The following ZNF469 variants were observed in gnomAD, a reference collection of about 807,000 sequenced individuals.
ZNF469 encodes the protein zinc finger protein 469.
ZNF469 carries 1 observed loss-of-function variant against 1.0 expected under a neutral mutation model. That is an observed-to-expected ratio of 1.00 (90% CI 0.35 to 4.73). The LOEUF (loss-of-function observed/expected upper bound fraction) is 4.73. Among genes scored for constraint, ZNF469 ranks in the 30% most tolerant of loss-of-function variants. The pLI, the probability that ZNF469 is intolerant of heterozygous loss-of-function variation, is 0.16. For missense variants in ZNF469, 6,100 were observed against 5,356.3 expected, an observed-to-expected ratio of 1.14 and a Z score of -4.33; for synonymous variants, 2,703 against 2,363.4, an observed-to-expected ratio of 1.14 and a Z score of -4.17.
At chr16:88,352,618 C>T in the ZNF469 span, among the ~76,000 whole-genome samples, 2 of 152,234 alleles carry the variant, frequency 1.3e-5, no homozygotes, top group Non-Finnish European at 2.9e-5. Context: ...AACTGGTAGA[C>T]GGGGCCGATG....
At chr16:88,167,492 C>A in the ZNF469 span, among the ~76,000 whole-genome samples, 20 of 152,204 alleles carry the variant, frequency 1.3e-4, no homozygotes, top group African/African-American at 4.8e-4. Flanking sequence ...AGTGTCCAGG[C>A]TGCTGCTTGA....
At chr16:88,258,716 C>T in the ZNF469 span, among the ~76,000 whole-genome samples, 9 of 152,264 alleles carry the variant, frequency 5.9e-5, no homozygotes, top group African/African-American at 1.9e-4. Context: ...CTGATGAACT[C>T]GGATGACATT....
chr16:88,411,282 C>T (rs1016753752), intron 1 of ZNF469, among the ~76,000 whole-genome samples: 6 of 151,898 alleles, frequency 4.0e-5, no homozygotes, highest in African/African-American at 7.3e-5. Flanking sequence ...TGAGTGGCTC[C>T]GTGGGGGTGG....
chr16:88,308,473 A>G, the ZNF469 span, among the ~76,000 whole-genome samples: 1 of 152,138 alleles, frequency 6.6e-6, no homozygotes, highest in Non-Finnish European at 1.5e-5. Flanking sequence ...TTCACCAATA[A>G]TGAGTTAAAA....
chr16:88,283,018 T>C, the ZNF469 span, among the ~76,000 whole-genome samples: 5 of 152,140 alleles, frequency 3.3e-5, no homozygotes, highest in Admixed American at 2.0e-4. Context: ...GTTTGGCCAA[T>C]GCATTAGGTC....
the ZNF469 span, among the ~76,000 whole-genome samples, chr16:88,354,182 TC>T: frequency 6.6e-6 from 1 of 152,116 alleles, no homozygotes; most frequent in Non-Finnish European, 1.5e-5. Flanking sequence ...CCCAAGGGGT[TC>T]CCTTCTACGG....
chr16:88,144,397 G>A, the ZNF469 span, among the ~76,000 whole-genome samples: 3 of 152,216 alleles, frequency 2.0e-5, no homozygotes, highest in South Asian at 6.2e-4. Context: ...TCAGGAGGTA[G>A]GGCAGAGATA....
the ZNF469 span, among the ~76,000 whole-genome samples, chr16:88,284,727 C>T: frequency 6.6e-5 from 10 of 152,232 alleles, no homozygotes; most frequent in African/African-American, 1.9e-4. Context: ...AAGGGCCTTC[C>T]GTGGTGTGCG....
the ZNF469 span, among the ~76,000 whole-genome samples, chr16:88,326,767 C>T: frequency 2.6e-5 from 4 of 152,218 alleles, no homozygotes; most frequent in Admixed American, 2.0e-4. Flanking sequence ...CAGAGGGTGA[C>T]ACCCAGGCCT....
chr16:88,367,562 G>A, the ZNF469 span, among the ~76,000 whole-genome samples: 1 of 152,194 alleles, frequency 6.6e-6, no homozygotes, highest in Non-Finnish European at 1.5e-5. Context: ...GCACGTCCCA[G>A]CGCCTGTGAT....
the ZNF469 span, among the ~76,000 whole-genome samples, chr16:88,189,183 C>T: frequency 1.3e-5 from 2 of 152,210 alleles, no homozygotes; most frequent in African/African-American, 2.4e-5. The surrounding 1 kb of genome is among the most constrained non-coding windows in gnomAD (Gnocchi z 4.3). Flanking sequence ...GTTGGACCTT[C>T]CCAAGTGCAG....
the ZNF469 span, among the ~76,000 whole-genome samples, chr16:88,176,525 G>A: frequency 2.0e-5 from 3 of 152,206 alleles, no homozygotes; most frequent in African/African-American, 7.2e-5. Flanking sequence ...CCACTAGGGC[G>A]TTGGATAGCA....
At chr16:88,206,524 C>G in the ZNF469 span, among the ~76,000 whole-genome samples, 31 of 152,082 alleles carry the variant, frequency 2.0e-4, no homozygotes, top group African/African-American at 7.5e-4. Context: ...GGACCTTGTT[C>G]AAAGGCTGCC....
chr16:88,174,675 G>T, the ZNF469 span, among the ~76,000 whole-genome samples: 3 of 148,716 alleles, frequency 2.0e-5, no homozygotes, highest in Admixed American at 1.4e-4. Context: ...TGAGGATGAT[G>T]ACCTTTACAA....
At position 88,428,755 on chromosome 16, in the gene ZNF469, G is replaced by T; in HGVS notation, c.1285G>T (p.Ala429Ser). Residue 429 changes from alanine (A) to serine (S), a missense_variant, in exon 3 of 3, where the codon GCC becomes TCC. Ala to Ser is a moderately conservative substitution (Grantham distance 99, BLOSUM62 1). Coordinates refer to ENST00000565624, the MANE Select transcript of ZNF469 (RefSeq NM_001367624.2). Reference protein sequence around the residue: ...SPGPPDTELAAPGPPPARLPQ... With the variant: ...SPGPPDTELASPGPPPARLPQ... ...GGGGCCTCCGGACACCGAGCTGGCCGCCCCAGGGCCCCCACCCGCCAGGCT... is the reference window on the plus strand; with the variant it reads ...GGGGCCTCCGGACACCGAGCTGGCCTCCCCAGGGCCCCCACCCGCCAGGCT... 6.5e-7 allele frequency: 1 copy of T among 1,545,464 alleles called. No homozygotes were observed. Among genetic ancestry groups the T allele is most frequent in the Non-Finnish European group, 8.7e-7 (1 of 1,145,884 alleles).
Position 88,435,064 on chromosome 16 carries a change from A to G in ZNF469, c.7594A>G (p.Arg2532Gly). 1 of 1,550,390 alleles carries G rather than the reference A, an allele frequency of 6.4e-7. No individual in the cohort carries two copies. The highest frequency in any genetic ancestry group is 8.7e-7 in the Non-Finnish European group (1 of 1,146,974). ...CCAGCCGCCCAGGAAGAAAAGCCAC[A>G]GGGTGTCTGGGAAGGAGAGACCAAA... ...KCQPPRKKSH[R>G]VSGKERPNHS... The change falls in exon 3 of 3, where the codon AGG (arginine) becomes GGG (glycine). Residue 2532 changes from arginine to glycine, a missense_variant. By Grantham distance (125) the Arg-to-Gly change is moderately radical (BLOSUM62 -2). Coordinates refer to ENST00000565624, the MANE Select transcript of ZNF469 (RefSeq NM_001367624.2).
At chr16:88,106,908 G>T in the ZNF469 span, among the ~76,000 whole-genome samples, 19,808 of 152,288 alleles carry the variant, frequency 0.13, 1,530 homozygotes, top group East Asian at 0.31. Flanking sequence ...GCCTCTCCAG[G>T]GTGATTTTCG....
the ZNF469 span, among the ~76,000 whole-genome samples, chr16:88,354,176 A>G: frequency 6.6e-6 from 1 of 152,174 alleles, no homozygotes; most frequent in East Asian, 1.9e-4. Context: ...TTGCAACCCA[A>G]GGGGTTCCCT....
the ZNF469 span, among the ~76,000 whole-genome samples, chr16:88,110,049 T>A: frequency 1.3e-5 from 2 of 152,262 alleles, no homozygotes; most frequent in Admixed American, 6.5e-5. Context: ...TGCCTGGGCC[T>A]CACCATTGGT....
Sources: allele counts gnomAD v4.1 joint callset (sites outside exome capture counted in the v4.1 genomes callset), GRCh38; gene constraint gnomAD v4.1.1; non-coding constraint Gnocchi (gnomAD v3.1); transcripts MANE v1.5; gene names NCBI Gene and HGNC (gene_info 2026-07-23, HGNC 2026-07-21).